The following CLINT1 variants were observed in gnomAD, a reference collection of about 807,000 sequenced individuals.
The protein encoded by CLINT1 is clathrin interacting protein localized in the trans-Golgi region.
CLINT1 carries 15 observed loss-of-function variants against 70.4 expected under a neutral mutation model. The observed-to-expected ratio is 0.21, with a 90% CI of 0.14 to 0.33. The LOEUF (loss-of-function observed/expected upper bound fraction) is 0.33, where lower values mean the gene tolerates loss of function less well. Ranked by LOEUF, CLINT1 falls within the 10% of genes least tolerant of loss-of-function variation. The pLI is 1.00. For missense variants in CLINT1, 615 were observed against 778.1 expected, an observed-to-expected ratio of 0.79 and a Z score of 2.49; for synonymous variants, 227 against 254.7, an observed-to-expected ratio of 0.89 and a Z score of 1.04.
Position 157,813,240 on chromosome 5 carries a change from T to C in CLINT1, c.353-13A>G. ...TTACCATGCTCATCTATGAGGATGG[T>C]AAGAGATAAGCAAAACCTAAGAATT... On this transcript the variant is annotated splice_polypyrimidine_tract_variant and intron_variant, in intron 4 of 11. Transcript: ENST00000411809. 2 of 1,606,694 alleles carry C rather than the reference T, an allele frequency of 1.2e-6. No individual in the cohort carries two copies. The highest frequency in any genetic ancestry group is 1.7e-6 in the Non-Finnish European group (2 of 1,177,598).
At chr5:157,828,905 A>G (rs1378936094) in intron 1 of CLINT1, among the ~76,000 whole-genome samples, 4 of 142,950 alleles carry the variant, frequency 2.8e-5, no homozygotes, top group Non-Finnish European at 4.5e-5. Flanking sequence ...CCTGGCCAAT[A>G]TGGTGAAACT....
At chr5:157,855,955 A>T (rs1274364651) in intron 1 of CLINT1, among the ~76,000 whole-genome samples, 3 of 152,078 alleles carry the variant, frequency 2.0e-5, no homozygotes, top group Non-Finnish European at 4.4e-5. Context: ...AAAGAAATAC[A>T]TCATTACACT....
At chr5:157,842,299 A>G (rs1753213608) in intron 1 of CLINT1, among the ~76,000 whole-genome samples, 1 of 152,210 alleles carries the variant, frequency 6.6e-6, no homozygotes, top group African/African-American at 2.4e-5. Context: ...ACTTATAAGT[A>G]AAAAATCTTA....
At chr5:157,855,589 A>T (rs1448637351) in intron 1 of CLINT1, among the ~76,000 whole-genome samples, 1 of 152,094 alleles carries the variant, frequency 6.6e-6, no homozygotes, top group Admixed American at 6.5e-5. Flanking sequence ...AAATCCCTCT[A>T]CTGCCACCAG....
At chr5:157,833,743 C>T (rs188021173) in intron 1 of CLINT1, among the ~76,000 whole-genome samples, 76 of 152,146 alleles carry the variant, frequency 5.0e-4, no homozygotes, top group African/African-American at 1.5e-3. Flanking sequence ...AGTTCTGAAC[C>T]AGCCTGGGCA....
intron 1 of CLINT1, among the ~76,000 whole-genome samples, chr5:157,853,339 T>C (rs182853315): frequency 6.9e-6 from 1 of 145,630 alleles, no homozygotes; most frequent in African/African-American, 2.6e-5. Flanking sequence ...CAAGACTCCA[T>C]CTCAAGAAAG....
In CLINT1 at chr5:157,834,184, T is replaced by C. The variant is rs372240499; in HGVS notation, c.42-16637A>G. ...TTCGAGACCAGCCTGGGCAACATGGTGAAACCCCATCTCTACTAAAATACA... is the reference window on the plus strand; with the variant it reads ...TTCGAGACCAGCCTGGGCAACATGGCGAAACCCCATCTCTACTAAAATACA... On this transcript the variant is annotated intron_variant, in intron 1 of 11. Coordinates refer to ENST00000411809, the MANE Select transcript of CLINT1 (RefSeq NM_014666.4). Among the ~76,000 whole-genome samples, 243 of 151,692 alleles carry C rather than the reference T, an allele frequency of 1.6e-3. 2 individuals carry two copies. Among genetic ancestry groups the C allele is most frequent in the African/African-American group, 5.5e-3 (227 of 41,350 alleles).
At chr5:157,809,435 T>G (rs1035207993) in intron 6 of CLINT1, among the ~76,000 whole-genome samples, 193 bp downstream of exon 6, 1 of 151,190 alleles carries the variant, frequency 6.6e-6, no homozygotes, top group African/African-American at 2.4e-5. Context: ...ATATGACAAC[T>G]CTGTACTTTA....
chr5:157,803,452 G>C (rs1468455278), intron 8 of CLINT1, among the ~76,000 whole-genome samples, 198 bp downstream of exon 8: 1 of 152,100 alleles, frequency 6.6e-6, no homozygotes, highest in Non-Finnish European at 1.5e-5. Context: ...GTATAAAATA[G>C]GGATAGAGAA....
At chr5:157,853,647 C>T (rs1384256670) in intron 1 of CLINT1, among the ~76,000 whole-genome samples, 2 of 151,702 alleles carry the variant, frequency 1.3e-5, no homozygotes, top group African/African-American at 2.4e-5. Context: ...CATGGTGGCA[C>T]GTGCCTGTAA....
At chr5:157,795,666 GGGGCAAATT>G (rs72206166) in intron 8 of CLINT1, 11,134 of 152,132 alleles carry the variant, frequency 0.073, 560 homozygotes, top group Non-Finnish European at 0.11. Flanking sequence ...GAAAGAAAAT[GGGGCAAATT>G]TTCCGTATGC....
chr5:157,838,210 C>T (rs1763501631), intron 1 of CLINT1, among the ~76,000 whole-genome samples: 4 of 150,274 alleles, frequency 2.7e-5, no homozygotes, highest in Admixed American at 2.7e-4. Context: ...GCAACCTCTG[C>T]TTCCCAGGTT....
At chr5:157,806,298 G>A (rs182839307) in intron 6 of CLINT1, among the ~76,000 whole-genome samples, 186 bp from the exon 7 acceptor site, 1 of 152,050 alleles carries the variant, frequency 6.6e-6, no homozygotes, top group Admixed American at 6.6e-5. Context: ...CTGGGGAGGG[G>A]AAGTGGAAAC....
intron 1 of CLINT1, among the ~76,000 whole-genome samples, chr5:157,827,930 T>C (rs551486714): frequency 4.3e-4 from 65 of 152,334 alleles, no homozygotes; most frequent in African/African-American, 1.5e-3. Context: ...TCAATAATTT[T>C]TTAGAGATTA....
intron 2 of CLINT1, 87 bp from the exon 3 acceptor site, chr5:157,816,917 AAG>A: frequency 5.4e-6 from 5 of 919,118 alleles, no homozygotes; most frequent in Non-Finnish European, 8.1e-6. Context: ...TGTTTCCCTG[AAG>A]AGTTTTTAAA....
rs1763524780 is a variant in CLINT1, at chr5:157,838,960, TG to T, written c.41+19969del. ...ATTTAATAATATGAAACAGACCAGG[TG>T]TGCTGGCTCATGCCTATAATCCCAG... On this transcript the variant is annotated intron_variant, in intron 1 of 11. Transcript: ENST00000411809. Among the ~76,000 whole-genome samples, 8 of 152,190 alleles carry T rather than the reference TG, an allele frequency of 5.3e-5. 1 individual carries two copies. Among genetic ancestry groups the T allele is most frequent in the Admixed American group, 5.2e-4 (8 of 15,284 alleles).
At chr5:157,799,294 A>G (rs1762147859) in intron 8 of CLINT1, among the ~76,000 whole-genome samples, 1 of 152,154 alleles carries the variant, frequency 6.6e-6, no homozygotes, top group Non-Finnish European at 1.5e-5. Flanking sequence ...AAGTTAGTGT[A>G]CTAAGAATGG....
In CLINT1 at chr5:157,809,798, T is replaced by C. The variant is rs748560587; in HGVS notation, c.525A>G (p.Arg175=). The change falls in exon 6 of 12, where the codon AGA becomes AGG. Residue 175 remains arginine (R), a synonymous_variant. Transcript: ENST00000411809. Reference sequence around the variant, plus strand: ...ATTTTGATTTGGGCTCAGGATCATATCTTTCACCTAGATAGAGCATTAAAA... The same window carrying C: ...ATTTTGATTTGGGCTCAGGATCATACCTTTCACCTAGATAGAGCATTAAAA... ...DSVGGFRYSE[R]YDPEPKSKWD... 6.2e-7 allele frequency: 1 copy of C among 1,612,476 alleles called. No homozygotes were observed. The highest frequency in any genetic ancestry group is 1.3e-5 in the African/African-American group (1 of 74,874).
At chr5:157,805,680 C>A (rs1762363553) in intron 7 of CLINT1, among the ~76,000 whole-genome samples, 186 bp downstream of exon 7, 1 of 152,148 alleles carries the variant, frequency 6.6e-6, no homozygotes, top group African/African-American at 2.4e-5. Flanking sequence ...CCCAATCATT[C>A]AGCAATTGGA....
Sources: gnomAD v4.1 joint callset for allele counts (sites outside exome capture counted in the v4.1 genomes callset) on GRCh38, gnomAD v4.1.1 for gene constraint, MANE v1.5 for transcripts, NCBI Gene and HGNC (gene_info 2026-07-23, HGNC 2026-07-21) for gene names.